Variants in PRKG1 observed in about 807,000 individuals in gnomAD.
The protein encoded by PRKG1 is cGMP-dependent protein kinase 1.
A neutral mutation model predicts 88.1 loss-of-function variants in PRKG1; 35 were observed. That is an observed-to-expected ratio of 0.40 (90% CI 0.30 to 0.53). The LOEUF is 0.53. Ranked by LOEUF, PRKG1 falls within the 20% of genes least tolerant of loss-of-function variation. The pLI, the probability that PRKG1 is intolerant of heterozygous loss-of-function variation, is 0.59. For synonymous variants in PRKG1, 303 were observed against 292.5 expected (o/e 1.04, Z -0.37); for missense variants, 540 against 839.8 (o/e 0.64, Z 4.41).
chr10:51,258,094 C>T (rs775569085), intron 2 of PRKG1, among the ~76,000 whole-genome samples: 6 of 152,098 alleles, frequency 3.9e-5, no homozygotes, highest in Admixed American at 3.3e-4. Context: ...TGGATGACCA[C>T]GAAGCACAGA....
intron 1 of PRKG1, among the ~76,000 whole-genome samples, chr10:51,131,754 C>T (rs922996042): frequency 1.3e-5 from 2 of 152,102 alleles, no homozygotes; most frequent in African/African-American, 4.8e-5. Context: ...ATTCAAACAG[C>T]TTTCATTGAG....
intron 5 of PRKG1, among the ~76,000 whole-genome samples, 175 bp from the exon 6 acceptor site, chr10:52,054,309 C>G (rs1172667694): frequency 6.6e-6 from 1 of 152,078 alleles, no homozygotes; most frequent in Non-Finnish European, 1.5e-5. Flanking sequence ...GAGATGATAT[C>G]TTTGTCATTA....
At position 51,333,754 on chromosome 10, in the gene PRKG1, T is replaced by C. The variant is rs547794386; in HGVS notation, c.479-133969T>C. On this transcript the variant is annotated intron_variant, in intron 2 of 17. Transcript: ENST00000373980. ...TTTTCATGCTTTCACTGACAGGTAT[T>C]AGAGATGCTACAGATGGAAGACAGA... Among the ~76,000 whole-genome samples the C allele has an allele frequency of 2.0e-5, 3 of 152,336 alleles. No homozygotes were observed. The East Asian group carries it at 5.8e-4, about 29-fold the overall frequency.
chr10:51,143,028 T>G (rs1224756959), intron 1 of PRKG1, among the ~76,000 whole-genome samples: 1 of 152,134 alleles, frequency 6.6e-6, no homozygotes. Context: ...GAATACAATA[T>G]GACATTAACT....
chr10:52,268,382 T>C (rs955922560), intron 10 of PRKG1, among the ~76,000 whole-genome samples: 31 of 152,198 alleles, frequency 2.0e-4, no homozygotes, highest in African/African-American at 7.5e-4. Flanking sequence ...GTTCTCATTA[T>C]CCTCTTTCTA....
At chr10:51,673,236 A>G (rs1429354467) in intron 3 of PRKG1, among the ~76,000 whole-genome samples, 1 of 152,230 alleles carries the variant, frequency 6.6e-6, no homozygotes, top group East Asian at 1.9e-4. Context: ...AAAATATGAA[A>G]GGTGGTGACA....
At chr10:52,098,080 G>A (rs939676440) in intron 7 of PRKG1, among the ~76,000 whole-genome samples, 1 of 152,094 alleles carries the variant, frequency 6.6e-6, no homozygotes, top group Non-Finnish European at 1.5e-5. Context: ...GTTCCATGCA[G>A]TTGCAAAGTT....
chr10:51,839,156 T>C (rs982085913), intron 4 of PRKG1, among the ~76,000 whole-genome samples: 1 of 142,508 alleles, frequency 7.0e-6, no homozygotes, highest in Non-Finnish European at 1.6e-5. Context: ...TATTATTTTT[T>C]TAACAGTTGG....
At chr10:51,306,523 A>G (rs1047138153) in intron 2 of PRKG1, 1 of 152,210 alleles carries the variant, frequency 6.6e-6, no homozygotes, top group African/African-American at 2.4e-5. Context: ...GTCCATTCTG[A>G]ATGCCTTTTC....
At chr10:51,956,497 G>T (rs1412682421) in intron 5 of PRKG1, among the ~76,000 whole-genome samples, 1 of 151,888 alleles carries the variant, frequency 6.6e-6, no homozygotes, top group Non-Finnish European at 1.5e-5. Flanking sequence ...AAGAACTTAG[G>T]ATACTTTCCA....
At chr10:51,622,923 T>G (rs1157034963) in intron 3 of PRKG1, among the ~76,000 whole-genome samples, 1 of 152,238 alleles carries the variant, frequency 6.6e-6, no homozygotes, top group Non-Finnish European at 1.5e-5. Flanking sequence ...AATGAAATGT[T>G]TTCTTCAAAG....
chr10:51,463,715 C>T (rs527651706), intron 2 of PRKG1, among the ~76,000 whole-genome samples: 14 of 152,230 alleles, frequency 9.2e-5, no homozygotes, highest in South Asian at 2.1e-4. Context: ...TGCTACAAGA[C>T]GGGTGAGAGG....
intron 3 of PRKG1, among the ~76,000 whole-genome samples, chr10:51,803,049 A>T (rs562842831): frequency 6.6e-6 from 1 of 151,982 alleles, no homozygotes; most frequent in Non-Finnish European, 1.5e-5. Context: ...ACCACTTTTT[A>T]AGGTCCCACT....
At chr10:51,120,603 G>C (rs1308424604) in intron 1 of PRKG1, among the ~76,000 whole-genome samples, 1 of 152,114 alleles carries the variant, frequency 6.6e-6, no homozygotes, top group East Asian at 1.9e-4. Context: ...TGACCATCCA[G>C]AAATGACATC....
At chr10:51,794,485 G>A (rs1838958828) in intron 3 of PRKG1, among the ~76,000 whole-genome samples, 1 of 152,020 alleles carries the variant, frequency 6.6e-6, no homozygotes, top group African/African-American at 2.4e-5. Context: ...TTAGACTATT[G>A]AAATAATATC....
intron 7 of PRKG1, among the ~76,000 whole-genome samples, chr10:52,098,493 T>A (rs1042223422): frequency 1.8e-4 from 28 of 152,036 alleles, no homozygotes; most frequent in African/African-American, 4.8e-4. Context: ...AGGGAAACAA[T>A]ACAAATAAAA....
chr10:51,031,158 T>C (rs1253717807), intron 1 of PRKG1, among the ~76,000 whole-genome samples: 2 of 152,188 alleles, frequency 1.3e-5, no homozygotes, highest in Non-Finnish European at 1.5e-5. Context: ...AAATTTTCCC[T>C]TTAGAATTCA....
intron 3 of PRKG1, among the ~76,000 whole-genome samples, chr10:51,768,158 T>C (rs990161971): frequency 5.9e-5 from 9 of 152,194 alleles, no homozygotes; most frequent in Non-Finnish European, 1.2e-4. Flanking sequence ...AGATTTTTGC[T>C]GCTTCAGGGG....
intron 14 of PRKG1, among the ~76,000 whole-genome samples, chr10:52,286,435 A>G (rs1287484569): frequency 6.6e-6 from 1 of 152,094 alleles, no homozygotes; most frequent in Non-Finnish European, 1.5e-5. Flanking sequence ...CCACAAAAAG[A>G]TGAATCAAAA....
Sources: allele counts gnomAD v4.1 joint callset (sites outside exome capture counted in the v4.1 genomes callset), GRCh38; gene constraint gnomAD v4.1.1; transcripts MANE v1.5; gene names NCBI Gene and HGNC (gene_info 2026-07-23, HGNC 2026-07-21).